The following KMT5A variants were observed in gnomAD, a reference collection of about 807,000 sequenced individuals.
The protein encoded by KMT5A is N-lysine methyltransferase KMT5A.
In KMT5A, 6 loss-of-function variants were observed where a neutral mutation model predicts 40.6. That is an observed-to-expected ratio of 0.15 (90% CI 0.08 to 0.29). The LOEUF is 0.29. KMT5A is among the 10% of genes least tolerant of loss of function. The pLI is 1.00. For missense variants in KMT5A, 308 were observed against 459.1 expected, an observed-to-expected ratio of 0.67 and a Z score of 3.01; for synonymous variants, 153 against 178.8, an observed-to-expected ratio of 0.86 and a Z score of 1.15.
At chr12:123,401,379 A>T (rs1593471121) in intron 5 of KMT5A, among the ~76,000 whole-genome samples, 1 of 149,128 alleles carries the variant, frequency 6.7e-6, no homozygotes. Flanking sequence ...CGATCTCCTG[A>T]CTTCGTGATC....
rs971229344 is a variant in KMT5A, at chr12:123,401,865, A to G, written c.598-1708A>G. Among the ~76,000 whole-genome samples, 7 of 151,434 alleles carry G rather than the reference A, an allele frequency of 4.6e-5. No homozygotes were observed. In the East Asian group the frequency reaches 1.4e-3, roughly 30 times the overall value. ...CCAAAGTGCTGGGATGACAGACGTG[A>G]GCCACCATGCCTGGTCATGTTTTCT... On this transcript the variant is annotated intron_variant, in intron 5 of 7. Transcript: ENST00000402868.
intron 7 of KMT5A, among the ~76,000 whole-genome samples, chr12:123,406,386 C>T (rs1878556821): frequency 6.6e-6 from 1 of 152,164 alleles, no homozygotes; most frequent in Non-Finnish European, 1.5e-5. Context: ...ACGATCTTGG[C>T]TCACTGCAAC....
chr12:123,398,264 T>C (rs1467834436), intron 5 of KMT5A, among the ~76,000 whole-genome samples: 1 of 150,700 alleles, frequency 6.6e-6, no homozygotes, highest in Non-Finnish European at 1.5e-5. Flanking sequence ...CTTGGGTGGC[T>C]GAGCAAGACT....
At chr12:123,405,693 A>T (rs1878498336) in intron 7 of KMT5A, among the ~76,000 whole-genome samples, 1 of 148,810 alleles carries the variant, frequency 6.7e-6, no homozygotes, top group Non-Finnish European at 1.5e-5. Flanking sequence ...ATTCTTATAT[A>T]TTTTTTTAGT....
intron 5 of KMT5A, among the ~76,000 whole-genome samples, chr12:123,396,635 G>A (rs1383219073): frequency 6.6e-6 from 1 of 152,166 alleles, no homozygotes; most frequent in East Asian, 1.9e-4. Flanking sequence ...GGTCACTGCA[G>A]GGCTTGGTTA....
rs142900468 is a variant in KMT5A at position 123,385,194 on chromosome 12, C to G, written c.10+986C>G. On this transcript the variant is annotated intron_variant, in intron 1 of 7. Coordinates refer to ENST00000402868, the MANE Select transcript of KMT5A (RefSeq NM_020382.7). ...AATATCTATTGGGTCCCTTTGTTTT[C>G]AGGCCCTGAAGTCAGTTGCATCATC... 3.8e-4 allele frequency among the ~76,000 whole-genome samples: 58 copies of G among 152,184 alleles called. No individual in the cohort carries two copies. The East Asian group carries it at 0.01, about 27-fold the overall frequency.
intron 2 of KMT5A, among the ~76,000 whole-genome samples, chr12:123,390,422 G>A (rs1290049268): frequency 6.6e-6 from 1 of 152,158 alleles, no homozygotes; most frequent in Non-Finnish European, 1.5e-5. Flanking sequence ...GTGATTTAGA[G>A]ACCAGCGCGT....
chr12:123,395,219 G>A lies in KMT5A; in HGVS notation c.462G>A (p.Lys154=). 1 of 1,613,588 alleles carries A rather than the reference G, an allele frequency of 6.2e-7. No individual in the cohort carries two copies. The highest frequency in any genetic ancestry group is 8.5e-7 in the Non-Finnish European group (1 of 1,179,832). The change falls in exon 4 of 8, where the codon AAG becomes AAA. Residue 154 remains lysine, a synonymous_variant. Coordinates refer to ENST00000402868, the MANE Select transcript of KMT5A (RefSeq NM_020382.7). The part of the protein sequence containing the change: ...SCDSTNAAIA[K]QALKKPIKGK... ...ATTCCACCAATGCAGCCATCGCCAA[G>A]CAAGCCCTGAAAAAGCCCATCAAGG...
chr12:123,396,813 G>A (rs1048082208), intron 5 of KMT5A, among the ~76,000 whole-genome samples: 4 of 152,212 alleles, frequency 2.6e-5, no homozygotes, highest in African/African-American at 7.2e-5. Context: ...TTTTCTGGAA[G>A]TTTCCATGTT....
In KMT5A at chr12:123,390,833, C is replaced by T. The variant is rs183765259; in HGVS notation, c.289+47C>T. 2.4e-5 allele frequency: 39 copies of T among 1,600,756 alleles called. No homozygotes were observed. In the Admixed American group the frequency reaches 6.1e-4, roughly 25 times the overall value. On this transcript the variant is annotated intron_variant, in intron 3 of 7. Transcript: ENST00000402868. ...GTTCTGATCCCAGCTGGTCGGGTTGCAGAAGCCTCTGTCCTCTGCAAGAAT... is the reference window on the plus strand; with the variant it reads ...GTTCTGATCCCAGCTGGTCGGGTTGTAGAAGCCTCTGTCCTCTGCAAGAAT...
chr12:123,399,938 C>T (rs887042025), intron 5 of KMT5A, among the ~76,000 whole-genome samples: 1 of 152,140 alleles, frequency 6.6e-6, no homozygotes, highest in Non-Finnish European at 1.5e-5. Context: ...ATTCTCCTGC[C>T]TCAGTCTCCT....
intron 7 of KMT5A, 50 bp downstream of exon 7, chr12:123,405,124 G>A (rs773799238): frequency 2.0e-6 from 3 of 1,522,976 alleles, no homozygotes; most frequent in East Asian, 4.7e-5. Flanking sequence ...GGGCAGTGAG[G>A]AGAGGCCAAA....
At chr12:123,393,697 G>A (rs1163536364) in intron 3 of KMT5A, among the ~76,000 whole-genome samples, 6 of 151,780 alleles carry the variant, frequency 4.0e-5, no homozygotes, top group Non-Finnish European at 8.8e-5. Context: ...ACACCACCAC[G>A]CCTGGCTAAT....
At chr12:123,404,636 C>T (rs2139204060) in intron 6 of KMT5A, among the ~76,000 whole-genome samples, 1 of 152,312 alleles carries the variant, frequency 6.6e-6, no homozygotes, top group South Asian at 2.1e-4. Context: ...AACTGCTTTG[C>T]AGATGAGCAC....
chr12:123,390,016 G>C (rs1416294343), intron 2 of KMT5A: 5 of 463,528 alleles, frequency 1.1e-5, no homozygotes, highest in African/African-American at 1.0e-4. Context: ...TGACGCCCAG[G>C]TGCGGCTTGC....
rs1878670149 is a variant in KMT5A at position 123,407,796 on chromosome 12, A to G, written c.*93A>G. The G allele has an allele frequency of 1.6e-5, 12 of 751,330 alleles. No homozygotes were observed. In the South Asian group the frequency reaches 2.1e-4, roughly 13 times the overall value. The allele number at this position is 751,330 out of a possible 1,614,324, so 46.5% of individuals were successfully genotyped here. A position where few individuals can be genotyped will look rare whatever the true frequency, so the allele number is the denominator to read the frequency against. On this transcript the variant is annotated 3_prime_UTR_variant, in exon 8 of 8. Transcript: ENST00000402868. ...ATTGAATTTTTTTTTTACACACTTAATCTTAGCGGATTACTTCAGATGTTT... is the reference window on the plus strand; with the variant it reads ...ATTGAATTTTTTTTTTACACACTTAGTCTTAGCGGATTACTTCAGATGTTT...
intron 2 of KMT5A, 119 bp from the exon 3 acceptor site, chr12:123,390,511 T>C (rs1175741183): frequency 1.0e-5 from 13 of 1,265,120 alleles, no homozygotes; most frequent in Non-Finnish European, 1.4e-5. Context: ...CATCCCCTGG[T>C]AGCCCAGTTT....
intron 2 of KMT5A, 28 bp from the exon 3 acceptor site, chr12:123,390,602 C>G (rs1320787667): frequency 6.2e-7 from 1 of 1,610,676 alleles, no homozygotes; most frequent in Admixed American, 1.7e-5. Context: ...CTTCAAGCCT[C>G]TTTCAGAATA....
At position 123,408,161 on chromosome 12, in the gene KMT5A, G is replaced by A. The variant is rs1376541331; in HGVS notation, c.*458G>A. On this transcript the variant is annotated 3_prime_UTR_variant, in exon 8 of 8. Coordinates refer to ENST00000402868, the MANE Select transcript of KMT5A (RefSeq NM_020382.7). Reference sequence around the variant, plus strand: ...AATGGCCTGGACGGGATGTTTCCAAGCTCTTGTTCCCCTAACGTCTCAACA... The same window carrying A: ...AATGGCCTGGACGGGATGTTTCCAAACTCTTGTTCCCCTAACGTCTCAACA... 6.1e-6 allele frequency: 1 copy of A among 164,186 alleles called. No homozygotes were observed. Among genetic ancestry groups the A allele is most frequent in the Non-Finnish European group, 1.3e-5 (1 of 75,388 alleles). 10.2% of individuals were successfully genotyped at this position (164,186 alleles called of 1,614,324 possible).
Sources: allele counts gnomAD v4.1 joint callset (sites outside exome capture counted in the v4.1 genomes callset), GRCh38; gene constraint gnomAD v4.1.1; transcripts MANE v1.5; gene names NCBI Gene and HGNC (gene_info 2026-07-23, HGNC 2026-07-21).